PDK2: variants seen among roughly 807,000 people sequenced by gnomAD.
PDK2 encodes pyruvate dehydrogenase kinase 2.
PDK2 carries 34 observed loss-of-function variants against 50.4 expected under a neutral mutation model. That is an observed-to-expected ratio of 0.68 (90% CI 0.51 to 0.90). PDK2 has a LOEUF of 0.90. PDK2 is among the 40% of genes least tolerant of loss of function. The pLI is 0.00. For synonymous variants in PDK2, 232 were observed against 216.0 expected (o/e 1.07, Z -0.65); for missense variants, 377 against 544.5 (o/e 0.69, Z 3.06).
intron 6 of PDK2, chr17:50,107,910 C>T: frequency 1.8e-6 from 1 of 545,910 alleles, no homozygotes; most frequent in Non-Finnish European, 3.3e-6. Context: ...GGGCTGGCTC[C>T]CCACCCCTGA....
At position 50,108,643 on chromosome 17, in the gene PDK2, G is replaced by A; in HGVS notation, c.893G>A (p.Arg298Lys). 6.2e-7 allele frequency: 1 copy of A among 1,613,142 alleles called. No individual in the cohort carries two copies. Among genetic ancestry groups the A allele is most frequent in the Non-Finnish European group, 8.5e-7 (1 of 1,179,668 alleles). ...GACCGAGGTGGGGGTGTTCCCTTGA[G>A]GAAGATTGAGCGACTCTTCAGCTAC... is the stretch of plus-strand genomic sequence containing the variant. ...MSDRGGGVPL[R>K]KIERLFSYMY... The change falls in exon 9 of 11, where the codon AGG becomes AAG. Residue 298 changes from arginine to lysine, a missense_variant. Transcript: ENST00000503176.
chr17:50,111,033 C>T lies in PDK2; in HGVS notation c.*936C>T, dbSNP rs1219952298. 1.3e-5 allele frequency: 2 copies of T among 152,300 alleles called. No homozygotes were observed. Among genetic ancestry groups the T allele is most frequent in the African/African-American group, 2.4e-5 (1 of 41,446 alleles). 9.4% of individuals were successfully genotyped at this position (152,300 alleles called of 1,614,324 possible). On this transcript the variant is annotated 3_prime_UTR_variant, in exon 11 of 11. Coordinates refer to ENST00000503176, the MANE Select transcript of PDK2 (RefSeq NM_002611.5). ...GTGGCAGTGACAGTGACACCCACAC[C>T]CACAGTAAAGAGGAGACTGAATGAG... is the stretch of plus-strand genomic sequence containing the variant.
chr17:50,095,896 A>C, intron 1 of PDK2: 2 of 739,254 alleles, frequency 2.7e-6, no homozygotes, highest in Non-Finnish European at 3.4e-6. Flanking sequence ...AGTTGTCCTC[A>C]TGACTGGAGG....
At chr17:50,099,226 C>T (rs1910097462) in intron 2 of PDK2, among the ~76,000 whole-genome samples, 1 of 152,132 alleles carries the variant, frequency 6.6e-6, no homozygotes, top group African/African-American at 2.4e-5. Context: ...CCTGACCTGG[C>T]TGCCTCTCCA....
chr17:50,099,820 T>G (rs1910130798), intron 2 of PDK2, among the ~76,000 whole-genome samples: 1 of 152,020 alleles, frequency 6.6e-6, no homozygotes, highest in African/African-American at 2.4e-5. Context: ...AGATTCAGCT[T>G]AGAGGAGAGC....
Position 50,109,151 on chromosome 17 carries a change from A to C in PDK2, c.970-136A>C. On this transcript the variant is annotated intron_variant, in intron 9 of 10. Transcript: ENST00000503176. The surrounding 1 kb of genome is among the most constrained non-coding windows in gnomAD (Gnocchi z 5.0). ...ACTTCTTACCTCAGTGTCCCCTCCC[A>C]CATGTCCCCTCCCAGCTCTGGGACC... 1 of 599,454 alleles carries C rather than the reference A, an allele frequency of 1.7e-6. No homozygotes were observed. The highest frequency in any genetic ancestry group is 3.0e-6 in the Non-Finnish European group (1 of 337,234). The allele number at this position is 599,454 out of a possible 1,614,324, so 37.1% of individuals were successfully genotyped here. A position where few individuals can be genotyped will look rare whatever the true frequency, so the allele number is the denominator to read the frequency against.
Position 50,095,359 on chromosome 17 carries a change from A to C in PDK2, c.-77A>C, listed in dbSNP as rs1909873333. ...GGCAAGGGTAGGGAGGAGGCGGCCG[A>C]ACCGCGTCGCTGGGCCGAAAGGTGC... On this transcript the variant is annotated 5_prime_UTR_variant, in exon 1 of 11. Coordinates refer to ENST00000503176, the MANE Select transcript of PDK2 (RefSeq NM_002611.5). The C allele has an allele frequency of 2.0e-5, 22 of 1,078,474 alleles. No individual in the cohort carries two copies. Among genetic ancestry groups the C allele is most frequent in the Non-Finnish European group, 2.7e-6 (2 of 737,556 alleles). 66.8% of individuals were successfully genotyped at this position (1,078,474 alleles called of 1,614,324 possible).
rs117581739 is a variant in PDK2 at position 50,104,761 on chromosome 17, T to C, written c.261-610T>C. On this transcript the variant is annotated intron_variant, in intron 2 of 10. Coordinates refer to ENST00000503176, the MANE Select transcript of PDK2 (RefSeq NM_002611.5). ...AGAGCCAGGCACGCCCACCCCACCT[T>C]TGGGTCCTTCCCACCTGCCATTTTA... 9.4e-3 allele frequency among the ~76,000 whole-genome samples: 1,430 copies of C among 152,260 alleles called. 64 individuals carry two copies. In the East Asian group the frequency reaches 0.1, roughly 11 times the overall value.
At chr17:50,096,001 TG>T in intron 1 of PDK2, 1 of 567,888 alleles carries the variant, frequency 1.8e-6, no homozygotes, top group Non-Finnish European at 2.2e-6. Flanking sequence ...TAGAGAGACC[TG>T]GACTGGGCAT....
chr17:50,103,454 A>G (rs1910337248), intron 2 of PDK2, among the ~76,000 whole-genome samples: 1 of 152,250 alleles, frequency 6.6e-6, no homozygotes, highest in Admixed American at 6.5e-5. Context: ...TTGAGCCACC[A>G]GCCATAATAA....
intron 9 of PDK2, among the ~76,000 whole-genome samples, chr17:50,108,963 C>A (rs1310030894): frequency 6.6e-6 from 1 of 152,144 alleles, no homozygotes; most frequent in African/African-American, 2.4e-5. Context: ...CAATTTCTAC[C>A]TTTCTCCTGG....
chr17:50,107,013 A>G (rs847693), intron 5 of PDK2, 63 bp from the exon 6 acceptor site: 1,063,636 of 1,480,626 alleles, frequency 0.72, 386,204 homozygotes, highest in East Asian at 0.98. Context: ...CCCAGTATCA[A>G]TGTCAGGAGG....
chr17:50,106,308 G>A (rs534309292), intron 4 of PDK2: 2 of 1,022,662 alleles, frequency 2.0e-6, no homozygotes, highest in South Asian at 2.0e-5. Flanking sequence ...GTAAAATTAT[G>A]TCACATCTTT....
At chr17:50,097,623 A>C in intron 2 of PDK2, 59 bp downstream of exon 2, 11 of 1,588,034 alleles carry the variant, frequency 6.9e-6, no homozygotes, top group Non-Finnish European at 7.7e-6. Flanking sequence ...CCCTGGGCTC[A>C]GGGATGGCAT....
Position 50,110,082 on chromosome 17 carries a change from G to C in PDK2, c.1209G>C (p.Thr403=), listed in dbSNP as rs761583879. 24 of 1,607,288 alleles carry C rather than the reference G, an allele frequency of 1.5e-5. No homozygotes were observed. In the African/African-American group the frequency reaches 3.2e-4, roughly 21 times the overall value. Residue 403 remains threonine, a synonymous_variant, in exon 11 of 11, where the codon ACG becomes ACC. Transcript: ENST00000503176. ...GCACGGAGCCCAAGAACACGTCCAC[G>C]TACCGCGTCAGCTAAGGGCCGCCGT... ...VPSTEPKNTS[T]YRVS
chr17:50,095,251 G>C (rs1002966378), upstream of PDK2: 1 of 546,188 alleles, frequency 1.8e-6, no homozygotes, highest in South Asian at 2.3e-5. Flanking sequence ...CTATTGGTTC[G>C]CCCGGAGTTG....
At position 50,108,433 on chromosome 17, in the gene PDK2, A is replaced by G. The variant is rs202019790; in HGVS notation, c.861+16A>G. 1 of 1,594,654 alleles carries G rather than the reference A, an allele frequency of 6.3e-7. No homozygotes were observed. The highest frequency in any genetic ancestry group is 2.2e-5 in the East Asian group (1 of 44,756). Reference sequence around the variant, plus strand: ...GTCCATCAAGGTATGTGACCCTTTGACCTTGGGGACCAGGGAGCAGTAGTG... The same window carrying G: ...GTCCATCAAGGTATGTGACCCTTTGGCCTTGGGGACCAGGGAGCAGTAGTG... On this transcript the variant is annotated intron_variant, in intron 8 of 10. Transcript: ENST00000503176.
At chr17:50,094,891 GAGGAT>G (rs16942045), upstream of PDK2, 56,890 of 152,984 alleles carry the variant, frequency 0.37, 10,719 homozygotes, top group East Asian at 0.56. Flanking sequence ...CCCGTTAAGG[GAGGAT>G]AGGTAACGAT....
chr17:50,110,082 G>A lies in PDK2; in HGVS notation c.1209G>A (p.Thr403=), dbSNP rs761583879. 12 of 1,607,286 alleles carry A rather than the reference G, an allele frequency of 7.5e-6. No individual in the cohort carries two copies. Among genetic ancestry groups the A allele is most frequent in the African/African-American group, 2.7e-5 (2 of 74,796 alleles). The change falls in exon 11 of 11, where the codon ACG becomes ACA. Residue 403 remains threonine (T), a synonymous_variant. Coordinates refer to ENST00000503176, the MANE Select transcript of PDK2 (RefSeq NM_002611.5). ...GCACGGAGCCCAAGAACACGTCCACGTACCGCGTCAGCTAAGGGCCGCCGT... is the reference window on the plus strand; with the variant it reads ...GCACGGAGCCCAAGAACACGTCCACATACCGCGTCAGCTAAGGGCCGCCGT... ...VPSTEPKNTS[T]YRVS is the part of the protein sequence containing the mutation.
Sources: allele counts gnomAD v4.1 joint callset (sites outside exome capture counted in the v4.1 genomes callset), GRCh38; gene constraint gnomAD v4.1.1; non-coding constraint Gnocchi (gnomAD v3.1); transcripts MANE v1.5; gene names NCBI Gene and HGNC (gene_info 2026-07-23, HGNC 2026-07-21).